The following DPYSL3 variants were observed in gnomAD, a reference collection of about 807,000 sequenced individuals.
DPYSL3 encodes dihydropyrimidinase-related protein 3.
In DPYSL3, 16 loss-of-function variants were observed where a neutral mutation model predicts 66.1. That is an observed-to-expected ratio of 0.24 (90% CI 0.16 to 0.37). The LOEUF (loss-of-function observed/expected upper bound fraction) is 0.37, where lower values mean the gene tolerates loss of function less well. Ranked by LOEUF, DPYSL3 falls within the 10% of genes least tolerant of loss-of-function variation. The pLI, the probability that DPYSL3 is intolerant of heterozygous loss-of-function variation, is 1.00. For missense variants in DPYSL3, 738 were observed against 916.2 expected, an observed-to-expected ratio of 0.81 and a Z score of 2.51; for synonymous variants, 338 against 345.1, an observed-to-expected ratio of 0.98 and a Z score of 0.23.
chr5:147,484,650 T>C (rs1167151264), intron 1 of DPYSL3, among the ~76,000 whole-genome samples: 1 of 152,194 alleles, frequency 6.6e-6, no homozygotes, highest in Non-Finnish European at 1.5e-5. Flanking sequence ...AAGTGCTCAC[T>C]GGTAATATTC....
At chr5:147,496,805 CT>C (rs1448498916) in intron 1 of DPYSL3, among the ~76,000 whole-genome samples, 2 of 151,548 alleles carry the variant, frequency 1.3e-5, no homozygotes, top group Non-Finnish European at 2.9e-5. Flanking sequence ...GTTGGTGGGA[CT>C]GTAAACTAGT....
chr5:147,476,050 TG>T (rs2126428981), intron 1 of DPYSL3, among the ~76,000 whole-genome samples: 1 of 152,290 alleles, frequency 6.6e-6, no homozygotes, highest in South Asian at 2.1e-4. Flanking sequence ...TTTTCACAAA[TG>T]AGAAAACTGA....
At chr5:147,434,100 CTTCTA>C (rs1486472418) in intron 1 of DPYSL3, among the ~76,000 whole-genome samples, 12 of 151,540 alleles carry the variant, frequency 7.9e-5, no homozygotes, top group Non-Finnish European at 4.4e-5. Context: ...CTTGCTACAA[CTTCTA>C]TTCTACTGCT....
intron 1 of DPYSL3, among the ~76,000 whole-genome samples, chr5:147,490,370 G>A (rs115995650): frequency 6.6e-6 from 1 of 152,112 alleles, no homozygotes; most frequent in Non-Finnish European, 1.5e-5. Context: ...CAAAAGAAGA[G>A]AAGGTACATA....
chr5:147,420,308 T>C (rs1402338989), intron 2 of DPYSL3, among the ~76,000 whole-genome samples: 3 of 152,204 alleles, frequency 2.0e-5, no homozygotes, highest in Non-Finnish European at 4.4e-5. Flanking sequence ...GTTAAGCCCA[T>C]AAAACACTGT....
intron 12 of DPYSL3, among the ~76,000 whole-genome samples, chr5:147,396,417 C>T (rs1190135761): frequency 6.6e-6 from 1 of 152,192 alleles, no homozygotes; most frequent in Non-Finnish European, 1.5e-5. Context: ...GTCAACTGGA[C>T]AAACACTGCA....
rs759885050 is a variant in DPYSL3, at chr5:147,413,674, G to A, written c.821-17C>T. 1 of 1,603,676 alleles carries A rather than the reference G, an allele frequency of 6.2e-7. No homozygotes were observed. Among genetic ancestry groups the A allele is most frequent in the East Asian group, 2.2e-5 (1 of 44,822 alleles). The stretch of plus-strand genomic sequence containing the variant: ...AGTTAACCCCTGCAAAAGAGGGACA[G>A]GAGGAAAAACAAGAGAAAGACAACA... On this transcript the variant is annotated splice_polypyrimidine_tract_variant and intron_variant, in intron 4 of 13. Transcript: ENST00000343218.
chr5:147,456,399 AC>A (rs1212915454), intron 1 of DPYSL3, among the ~76,000 whole-genome samples: 1 of 152,144 alleles, frequency 6.6e-6, no homozygotes, highest in Admixed American at 6.5e-5. Flanking sequence ...GACTTGATTT[AC>A]AGTCCCAAAG....
At chr5:147,452,894 C>CACAT (rs1752762617) in intron 1 of DPYSL3, among the ~76,000 whole-genome samples, 1 of 146,246 alleles carries the variant, frequency 6.8e-6, no homozygotes, top group Non-Finnish European at 1.5e-5. Context: ...CACACACACA[C>CACAT]ACACACACAC....
At position 147,494,637 on chromosome 5, in the gene DPYSL3, G is replaced by A. The variant is rs970001486; in HGVS notation, c.381+14841C>T. Among the ~76,000 whole-genome samples, 9 of 150,554 alleles carry A rather than the reference G, an allele frequency of 6.0e-5. No individual in the cohort carries two copies. The South Asian group carries it at 1.7e-3, about 28-fold the overall frequency. On this transcript the variant is annotated intron_variant, in intron 1 of 13. Coordinates refer to ENST00000343218, the MANE Select transcript of DPYSL3 (RefSeq NM_001197294.2). ...TCCCAGCACTTTGGGAGGCCGAGGC[G>A]GGCAGATCACGAGGTCAGGAGACAG...
In DPYSL3 at chr5:147,430,890, G is replaced by A. The variant is rs145896545; in HGVS notation, c.382-5927C>T. On this transcript the variant is annotated intron_variant, in intron 1 of 13. Transcript: ENST00000343218. ...TTAAGACACATCTGTTCCACACTCCGCAGACATTCCAGCAGCTCAGAGTAA... is the reference window on the plus strand; with the variant it reads ...TTAAGACACATCTGTTCCACACTCCACAGACATTCCAGCAGCTCAGAGTAA... 6.4e-3 allele frequency among the ~76,000 whole-genome samples: 973 copies of A among 152,220 alleles called. 5 individuals are homozygous for A. Among genetic ancestry groups the A allele is most frequent in the Middle Eastern group, 0.014 (4 of 294 alleles).
At position 147,509,198 on chromosome 5, in the gene DPYSL3, A is replaced by G. The variant is rs1244913728; in HGVS notation, c.381+280T>C. ...CACACCCACCCAGACCGGATGGCCC[A>G]GGAGTGCGGCGAGGAGGCAGGGGCA... On this transcript the variant is annotated intron_variant, in intron 1 of 13. Coordinates refer to ENST00000343218, the MANE Select transcript of DPYSL3 (RefSeq NM_001197294.2). This position sits in a 1 kb window ranked among gnomAD's most constrained non-coding sequence, Gnocchi z 5.3. 2.0e-5 allele frequency among the ~76,000 whole-genome samples: 3 copies of G among 152,132 alleles called. No individual in the cohort carries two copies. Among genetic ancestry groups the G allele is most frequent in the African/African-American group, 7.2e-5 (3 of 41,444 alleles).
chr5:147,456,076 C>G (rs992052911), intron 1 of DPYSL3, among the ~76,000 whole-genome samples: 2 of 152,188 alleles, frequency 1.3e-5, no homozygotes, highest in Admixed American at 1.3e-4. Flanking sequence ...CAAATTGATT[C>G]AAGCTGTTGC....
chr5:147,411,228 G>C (rs905377882), intron 6 of DPYSL3, among the ~76,000 whole-genome samples: 2 of 152,204 alleles, frequency 1.3e-5, no homozygotes, highest in Non-Finnish European at 2.9e-5. Context: ...GGAAGTGGGC[G>C]AAAGTGCTGT....
At position 147,501,865 on chromosome 5, in the gene DPYSL3, T is replaced by C. The variant is rs57531421; in HGVS notation, c.381+7613A>G. Among the ~76,000 whole-genome samples the C allele has an allele frequency of 9.5e-3, 1,439 of 152,230 alleles. 27 individuals are homozygous for C. The highest frequency in any genetic ancestry group is 0.032 in the African/African-American group (1,335 of 41,534). ...GCCAGTGAAGGAGGCTGTGTGTTTATGGAGACAGGGGTATATGGGAAGTAC... is the reference window on the plus strand; with the variant it reads ...GCCAGTGAAGGAGGCTGTGTGTTTACGGAGACAGGGGTATATGGGAAGTAC... On this transcript the variant is annotated intron_variant, in intron 1 of 13. Coordinates refer to ENST00000343218, the MANE Select transcript of DPYSL3 (RefSeq NM_001197294.2).
intron 10 of DPYSL3, among the ~76,000 whole-genome samples, chr5:147,399,807 T>C (rs997326445): frequency 1.7e-4 from 26 of 152,216 alleles, no homozygotes; most frequent in Non-Finnish European, 3.4e-4. Context: ...CTTGGAACTA[T>C]TCCAAATAGT....
intron 6 of DPYSL3, 69 bp from the exon 7 acceptor site, chr5:147,408,865 T>G: frequency 1.4e-6 from 2 of 1,475,126 alleles, no homozygotes; most frequent in Non-Finnish European, 1.9e-6. Context: ...CGCTGGTATG[T>G]TCTGATCTAA....
Position 147,446,409 on chromosome 5 carries a change from C to T in DPYSL3, c.382-21446G>A, listed in dbSNP as rs368661408. On this transcript the variant is annotated intron_variant, in intron 1 of 13. Coordinates refer to ENST00000343218, the MANE Select transcript of DPYSL3 (RefSeq NM_001197294.2). ...ACTCTTCTCTTAAAAAATAAAATCTCGTTTTACCCTTAAAATCTCATTGTC... is the reference window on the plus strand; with the variant it reads ...ACTCTTCTCTTAAAAAATAAAATCTTGTTTTACCCTTAAAATCTCATTGTC... Among the ~76,000 whole-genome samples, 11 of 152,312 alleles carry T rather than the reference C, an allele frequency of 7.2e-5. No homozygotes were observed. In the South Asian group the frequency reaches 1.2e-3, roughly 17 times the overall value.
At chr5:147,463,457 G>A (rs1291434994) in intron 1 of DPYSL3, among the ~76,000 whole-genome samples, 1 of 152,122 alleles carries the variant, frequency 6.6e-6, no homozygotes, top group Admixed American at 6.5e-5. Context: ...TTAAAAGATC[G>A]AGGAAAAGAA....
Sources: allele counts gnomAD v4.1 joint callset (sites outside exome capture counted in the v4.1 genomes callset), GRCh38; gene constraint gnomAD v4.1.1; non-coding constraint Gnocchi (gnomAD v3.1); transcripts MANE v1.5; gene names NCBI Gene and HGNC (gene_info 2026-07-23, HGNC 2026-07-21).